SIL1: variants seen among roughly 807,000 people sequenced by gnomAD.
The protein encoded by SIL1 is nucleotide exchange factor SIL1.
A neutral mutation model predicts 49.1 loss-of-function variants in SIL1; 40 were observed. The ratio of observed to expected loss-of-function variants is 0.81; its 90% CI spans 0.63 to 1.06. The LOEUF (loss-of-function observed/expected upper bound fraction) is 1.06, where lower values mean the gene tolerates loss of function less well. Ranked by LOEUF, SIL1 falls within the 50% of genes least tolerant of loss-of-function variation. The pLI is 0.00. For missense variants in SIL1, 500 were observed against 572.6 expected (o/e 0.87, Z 1.29); for synonymous variants, 253 against 250.8 (o/e 1.01, Z -0.08).
chr5:138,988,256 A>G (rs1207687398), intron 7 of SIL1, among the ~76,000 whole-genome samples: 1 of 152,256 alleles, frequency 6.6e-6, no homozygotes, highest in Non-Finnish European at 1.5e-5. Flanking sequence ...CTTACAGAAC[A>G]GTCCCAGCAC....
chr5:139,118,982 G>A (rs1230338813), intron 3 of SIL1, among the ~76,000 whole-genome samples: 4 of 152,144 alleles, frequency 2.6e-5, no homozygotes, highest in African/African-American at 7.2e-5. Context: ...AGGCATGACC[G>A]GAACCAGAGT....
At chr5:139,011,468 C>T (rs916697142) in intron 7 of SIL1, among the ~76,000 whole-genome samples, 9 of 152,288 alleles carry the variant, frequency 5.9e-5, no homozygotes, top group East Asian at 3.9e-4. Flanking sequence ...TGTTCCTATT[C>T]GGCCATCTTG....
chr5:139,142,502 A>G (rs1482310891), intron 1 of SIL1, among the ~76,000 whole-genome samples: 2 of 152,224 alleles, frequency 1.3e-5, no homozygotes, highest in African/African-American at 2.4e-5. Context: ...AATGCAATCA[A>G]TGTAATACAC....
intron 7 of SIL1, among the ~76,000 whole-genome samples, chr5:138,980,666 T>C (rs569783255): frequency 4.6e-5 from 7 of 152,280 alleles, no homozygotes; most frequent in African/African-American, 1.7e-4. Context: ...TAAATAAATA[T>C]TCATGAACAG....
At chr5:138,960,240 A>G (rs1054879335) in intron 7 of SIL1, among the ~76,000 whole-genome samples, 3 of 152,134 alleles carry the variant, frequency 2.0e-5, no homozygotes, top group African/African-American at 4.8e-5. Context: ...GATCCGTGCC[A>G]TCTGTTCCCA....
At chr5:138,984,952 C>T (rs1767621390) in intron 7 of SIL1, among the ~76,000 whole-genome samples, 1 of 152,192 alleles carries the variant, frequency 6.6e-6, no homozygotes, top group African/African-American at 2.4e-5. Flanking sequence ...GCAAATTAAA[C>T]TCATTTGTGC....
chr5:138,947,637 T>C lies in SIL1; in HGVS notation c.1030-164A>G, dbSNP rs562707008. On this transcript the variant is annotated intron_variant, in intron 9 of 9. Transcript: ENST00000394817. This position sits in a 1 kb window ranked among gnomAD's most constrained non-coding sequence, Gnocchi z 4.1. ...TCTATCCCCAAGTCTGTCTGTCTATTCATTCATTCATCCACCAACAGAAAC... is the reference window on the plus strand; with the variant it reads ...TCTATCCCCAAGTCTGTCTGTCTATCCATTCATTCATCCACCAACAGAAAC... 2.0e-5 allele frequency among the ~76,000 whole-genome samples: 3 copies of C among 152,332 alleles called. No homozygotes were observed. The highest frequency in any genetic ancestry group is 7.2e-5 in the African/African-American group (3 of 41,570).
chr5:138,995,132 T>C (rs1038253855), intron 7 of SIL1, among the ~76,000 whole-genome samples: 18 of 152,238 alleles, frequency 1.2e-4, no homozygotes, highest in Non-Finnish European at 5.9e-5. Context: ...TTTGCTATTG[T>C]GAATAGTGCT....
chr5:139,161,255 T>C (rs1224389267), intron 1 of SIL1, among the ~76,000 whole-genome samples: 1 of 151,936 alleles, frequency 6.6e-6, no homozygotes, highest in Non-Finnish European at 1.5e-5. Flanking sequence ...AAAAAAAGAA[T>C]AACCAAATAC....
intron 3 of SIL1, among the ~76,000 whole-genome samples, chr5:139,054,849 T>C (rs1156552898): frequency 6.6e-6 from 1 of 152,162 alleles, no homozygotes. Flanking sequence ...TCATTTAAAA[T>C]ATACTAAACA....
chr5:139,093,366 A>G (rs1770385362), intron 3 of SIL1, among the ~76,000 whole-genome samples: 1 of 152,252 alleles, frequency 6.6e-6, no homozygotes, highest in African/African-American at 2.4e-5. Flanking sequence ...AGACAGAGAT[A>G]AATCAAGTTC....
At chr5:138,977,256 T>A (rs1457915719) in intron 7 of SIL1, among the ~76,000 whole-genome samples, 1 of 152,132 alleles carries the variant, frequency 6.6e-6, no homozygotes, top group Non-Finnish European at 1.5e-5. Flanking sequence ...TGACTCTATA[T>A]CCTAATCTGG....
chr5:139,015,482 A>C (rs1334200075), intron 7 of SIL1, among the ~76,000 whole-genome samples: 4 of 152,254 alleles, frequency 2.6e-5, no homozygotes. Flanking sequence ...ACCTCTCATA[A>C]GAAAAATCTG....
chr5:139,070,910 G>T (rs913188167), intron 3 of SIL1, among the ~76,000 whole-genome samples: 5 of 152,066 alleles, frequency 3.3e-5, no homozygotes, highest in South Asian at 2.1e-4. Context: ...TAAAAGTAGT[G>T]CAGCTAAAAA....
At chr5:138,953,088 A>T (rs985719480) in intron 7 of SIL1, among the ~76,000 whole-genome samples, 3 of 152,226 alleles carry the variant, frequency 2.0e-5, no homozygotes, top group Non-Finnish European at 4.4e-5. Context: ...CACCCATCCA[A>T]CTAGCCCACA....
At chr5:139,099,121 T>C (rs769929766) in intron 3 of SIL1, among the ~76,000 whole-genome samples, 8 of 152,100 alleles carry the variant, frequency 5.3e-5, no homozygotes, top group Non-Finnish European at 1.0e-4. Context: ...CTGGCCTGAA[T>C]AGACATTTCT....
intron 7 of SIL1, among the ~76,000 whole-genome samples, chr5:139,004,967 C>T (rs144878505): frequency 1.3e-5 from 2 of 152,164 alleles, no homozygotes; most frequent in East Asian, 1.9e-4. Context: ...GATAGGATGT[C>T]GGGCCAGGTT....
At chr5:138,960,670 G>C (rs746465753) in intron 7 of SIL1, among the ~76,000 whole-genome samples, 9 of 152,110 alleles carry the variant, frequency 5.9e-5, no homozygotes, top group Non-Finnish European at 1.0e-4. Context: ...TGGCCAGGCT[G>C]GTCTCGAACT....
intron 7 of SIL1, among the ~76,000 whole-genome samples, chr5:138,999,245 G>C (rs1767937544): frequency 5.9e-5 from 9 of 152,264 alleles, no homozygotes; most frequent in Admixed American, 5.9e-4. Context: ...GTGTTTTATA[G>C]TTTTCCTTTT....
Sources: allele counts gnomAD v4.1 joint callset (sites outside exome capture counted in the v4.1 genomes callset), GRCh38; gene constraint gnomAD v4.1.1; non-coding constraint Gnocchi (gnomAD v3.1); transcripts MANE v1.5; gene names NCBI Gene and HGNC (gene_info 2026-07-23, HGNC 2026-07-21).